NCKAP5: variants seen among roughly 807,000 people sequenced by gnomAD.
NCKAP5 encodes nck-associated protein 5.
In NCKAP5, 92 loss-of-function variants were observed where a neutral mutation model predicts 167.0. The ratio of observed to expected loss-of-function variants is 0.55; its 90% CI spans 0.47 to 0.66. The LOEUF is 0.66. Among genes scored for constraint, NCKAP5 ranks in the 30% least tolerant of loss-of-function variants. The pLI is 0.00. For synonymous variants in NCKAP5, 891 were observed against 877.4 expected (o/e 1.02, Z -0.27); for missense variants, 2,378 against 2,315.0 (o/e 1.03, Z -0.56).
At chr2:133,044,076 T>C (rs1452785609) in intron 6 of NCKAP5, among the ~76,000 whole-genome samples, 1 of 152,040 alleles carries the variant, frequency 6.6e-6, no homozygotes, top group East Asian at 1.9e-4. Flanking sequence ...TGCAGACCAA[T>C]AGGAAAAAGA....
intron 3 of NCKAP5, among the ~76,000 whole-genome samples, chr2:133,334,128 C>G (rs1683057056): frequency 6.6e-6 from 1 of 152,176 alleles, no homozygotes; most frequent in Admixed American, 6.5e-5. Context: ...CTGGAGCCAT[C>G]TTGCTTGGAT....
intron 5 of NCKAP5, among the ~76,000 whole-genome samples, chr2:133,201,750 T>C (rs1399842784): frequency 6.6e-6 from 1 of 152,140 alleles, no homozygotes; most frequent in Non-Finnish European, 1.5e-5. Context: ...CTTCATGGTG[T>C]CCTATGCTTC....
chr2:132,795,330 G>T (rs1262276853), intron 12 of NCKAP5, among the ~76,000 whole-genome samples: 1 of 152,184 alleles, frequency 6.6e-6, no homozygotes, highest in Non-Finnish European at 1.5e-5. Flanking sequence ...CATCAAAAAT[G>T]TGTATTAGCT....
chr2:133,206,296 T>C (rs184168749), intron 5 of NCKAP5, among the ~76,000 whole-genome samples: 215 of 152,298 alleles, frequency 1.4e-3, no homozygotes, highest in South Asian at 4.2e-3. Flanking sequence ...TCAGGGACCC[T>C]GAACAGAGGT....
rs576809361 is a variant in NCKAP5 at position 132,677,215 on chromosome 2, T to A, written c.5714-3910A>T. The stretch of plus-strand genomic sequence containing the variant: ...TTGTACAGATGACTTTTTGGTGGAT[T>A]TTTTTTTCAACTACACTTGGGAATA... On this transcript the variant is annotated intron_variant, in intron 19 of 19. Coordinates refer to ENST00000409261, the MANE Select transcript of NCKAP5 (RefSeq NM_207363.3). Among the ~76,000 whole-genome samples the A allele has an allele frequency of 3.9e-5, 6 of 152,180 alleles. No homozygotes were observed. In the East Asian group the frequency reaches 1.2e-3, roughly 29 times the overall value.
chr2:132,827,437 A>G (rs1223259839), intron 11 of NCKAP5, among the ~76,000 whole-genome samples: 1 of 152,158 alleles, frequency 6.6e-6, no homozygotes, highest in East Asian at 1.9e-4. Context: ...GTACATATTC[A>G]TGGGGTACAT....
chr2:133,013,806 T>A (rs2078244154), intron 6 of NCKAP5, among the ~76,000 whole-genome samples: 1 of 152,316 alleles, frequency 6.6e-6, no homozygotes, highest in Admixed American at 6.5e-5. Flanking sequence ...CTGGTTTACA[T>A]CCTTCTGTGT....
intron 4 of NCKAP5, among the ~76,000 whole-genome samples, chr2:133,265,855 C>T (rs1344703360): frequency 2.6e-5 from 4 of 152,164 alleles, no homozygotes; most frequent in African/African-American, 9.6e-5. Context: ...CCCTGCCAAA[C>T]CCAATGGCCT....
At chr2:132,763,057 T>A (rs919165684) in intron 16 of NCKAP5, among the ~76,000 whole-genome samples, 1 of 152,188 alleles carries the variant, frequency 6.6e-6, no homozygotes, top group Non-Finnish European at 1.5e-5. Context: ...GAAGAGTGTT[T>A]CATGAGGAGG....
chr2:133,404,803 T>C (rs149404054), intron 3 of NCKAP5, among the ~76,000 whole-genome samples: 3 of 152,374 alleles, frequency 2.0e-5, no homozygotes, highest in East Asian at 3.9e-4. Flanking sequence ...GTGATGTTAC[T>C]AGCAGATGGC....
At chr2:133,169,543 C>G (rs529991206) in intron 5 of NCKAP5, among the ~76,000 whole-genome samples, 28 of 152,292 alleles carry the variant, frequency 1.8e-4, no homozygotes, top group African/African-American at 6.5e-4. Context: ...ACAATATTAA[C>G]CCAGGACTGC....
At chr2:133,604,789 G>T in the NCKAP5 span, among the ~76,000 whole-genome samples, 10,083 of 152,146 alleles carry the variant, frequency 0.066, 923 homozygotes, top group East Asian at 0.35. Flanking sequence ...GCTAAGACCG[G>T]CTTGGTCTGG....
chr2:133,237,561 C>T (rs1296530990), intron 4 of NCKAP5, among the ~76,000 whole-genome samples: 1 of 152,268 alleles, frequency 6.6e-6, no homozygotes, highest in African/African-American at 2.4e-5. Context: ...CATCAGAAAT[C>T]CCCAGGAGAA....
intron 5 of NCKAP5, among the ~76,000 whole-genome samples, chr2:133,134,172 C>A (rs1185312473): frequency 6.6e-6 from 1 of 152,226 alleles, no homozygotes; most frequent in Non-Finnish European, 1.5e-5. Context: ...GAGCCACAAC[C>A]ATCCACATGT....
the NCKAP5 span, among the ~76,000 whole-genome samples, chr2:133,647,473 GAAGGAAAGGAAAGGA>G: frequency 0.019 from 1,178 of 62,610 alleles, 35 homozygotes; most frequent in East Asian, 0.13. Context: ...AAGGGCAAGG[GAAGGAAAGGAAAGGA>G]AAGGAAAGGA....
chr2:133,195,144 G>A (rs146873014), intron 5 of NCKAP5, among the ~76,000 whole-genome samples: 79 of 152,198 alleles, frequency 5.2e-4, no homozygotes, highest in Admixed American at 7.9e-4. Flanking sequence ...ACTTGTGCAC[G>A]AACTCTGCAG....
intron 13 of NCKAP5, among the ~76,000 whole-genome samples, chr2:132,786,040 T>A (rs1683538051): frequency 6.6e-6 from 1 of 152,182 alleles, no homozygotes; most frequent in Admixed American, 6.5e-5. Flanking sequence ...GCAAATGTTG[T>A]AAGTACTCTG....
chr2:133,208,058 G>A (rs1448754903), intron 5 of NCKAP5, among the ~76,000 whole-genome samples: 1 of 152,180 alleles, frequency 6.6e-6, no homozygotes, highest in Non-Finnish European at 1.5e-5. Flanking sequence ...GACAAGCTGG[G>A]CCAGGTGTGG....
chr2:133,674,468 G>A, the NCKAP5 span, among the ~76,000 whole-genome samples: 2 of 151,976 alleles, frequency 1.3e-5, no homozygotes, highest in Non-Finnish European at 2.9e-5. Flanking sequence ...AAAGGCACTC[G>A]CAGACACCAC....
Sources: allele counts gnomAD v4.1 joint callset (sites outside exome capture counted in the v4.1 genomes callset), GRCh38; gene constraint gnomAD v4.1.1; transcripts MANE v1.5; gene names NCBI Gene and HGNC (gene_info 2026-07-23, HGNC 2026-07-21).